DSE: variants seen among roughly 807,000 people sequenced by gnomAD.
DSE encodes dermatan-sulfate epimerase.
In DSE, 36 loss-of-function variants were observed where a neutral mutation model predicts 84.4. The observed-to-expected ratio is 0.43, with a 90% CI of 0.33 to 0.56. The LOEUF (loss-of-function observed/expected upper bound fraction) is 0.56, where lower values mean the gene tolerates loss of function less well. Among genes scored for constraint, DSE ranks in the 20% least tolerant of loss-of-function variants. The probability of loss-of-function intolerance (pLI) is 0.06; values close to 1 mark genes in which losing one functional copy is unlikely to be tolerated. For synonymous variants in DSE, 410 were observed against 430.1 expected, an observed-to-expected ratio of 0.95 and a Z score of 0.58; for missense variants, 862 against 1,169.6, an observed-to-expected ratio of 0.74 and a Z score of 3.84.
At chr6:116,409,631 G>A (rs149719656) in intron 2 of DSE, among the ~76,000 whole-genome samples, 143 of 152,244 alleles carry the variant, frequency 9.4e-4, no homozygotes, top group African/African-American at 3.3e-3. Context: ...TTAGGCATTG[G>A]AGATACAAAA....
At chr6:116,414,839 G>T (rs770687473) in intron 2 of DSE, among the ~76,000 whole-genome samples, 5 of 151,888 alleles carry the variant, frequency 3.3e-5, no homozygotes, top group Non-Finnish European at 4.4e-5. Context: ...GTTTTATTTG[G>T]TAAGTTTTTT....
intron 1 of DSE, among the ~76,000 whole-genome samples, chr6:116,372,241 G>A (rs1289848301): frequency 6.6e-6 from 1 of 152,234 alleles, no homozygotes; most frequent in East Asian, 1.9e-4. Flanking sequence ...GGCCGAGGCA[G>A]GCGGATCACG....
intron 2 of DSE, chr6:116,279,150 G>C (rs1199348152): frequency 6.2e-7 from 1 of 1,613,804 alleles, no homozygotes; most frequent in Non-Finnish European, 8.5e-7. Context: ...GGTCCATGCG[G>C]AGAGCCTCAT....
intron 2 of DSE, among the ~76,000 whole-genome samples, chr6:116,406,589 T>A (rs1237510371): frequency 6.6e-6 from 1 of 152,266 alleles, no homozygotes; most frequent in Non-Finnish European, 1.5e-5. Context: ...TTGCTGACAT[T>A]AAGTTCATGC....
intron 2 of DSE, among the ~76,000 whole-genome samples, chr6:116,274,099 G>A (rs1773005999): frequency 6.6e-6 from 1 of 151,700 alleles, no homozygotes; most frequent in Admixed American, 6.5e-5. Context: ...CAAAGTGCTG[G>A]GATTTCAGGC....
rs181392611 is a variant in DSE, at chr6:116,431,745, T to C, written c.910+552T>C. Among the ~76,000 whole-genome samples, 67 of 152,302 alleles carry C rather than the reference T, an allele frequency of 4.4e-4. 1 individual carries two copies. The South Asian group carries it at 7.0e-3, about 16-fold the overall frequency. On this transcript the variant is annotated intron_variant, in intron 4 of 5. Coordinates refer to ENST00000644252, the MANE Select transcript of DSE (RefSeq NM_013352.4). ...AGTGCTGTAAAACTTGTAATTTCTT[T>C]ATTGCTGTGTCATTTAGCCTTCTAA...
At chr6:116,415,819 G>A (rs940030033) in intron 2 of DSE, among the ~76,000 whole-genome samples, 3 of 151,930 alleles carry the variant, frequency 2.0e-5, no homozygotes, top group Non-Finnish European at 4.4e-5. Context: ...GGTCTCTTTT[G>A]TCCTATTATG....
chr6:116,420,427 T>C (rs1362626972), intron 2 of DSE, among the ~76,000 whole-genome samples: 1 of 152,176 alleles, frequency 6.6e-6, no homozygotes, highest in Non-Finnish European at 1.5e-5. Flanking sequence ...CTTGTACTCT[T>C]GTGCACTCTC....
chr6:116,434,346 C>T (rs1160745241), intron 5 of DSE, among the ~76,000 whole-genome samples: 1 of 151,980 alleles, frequency 6.6e-6, no homozygotes, highest in Non-Finnish European at 1.5e-5. Flanking sequence ...GTTTGCTTCT[C>T]TTTATCCTTT....
chr6:116,302,758 G>GT (rs1245200602), intron 2 of DSE, among the ~76,000 whole-genome samples: 2 of 152,032 alleles, frequency 1.3e-5, no homozygotes, highest in Non-Finnish European at 2.9e-5. Flanking sequence ...TTCTTCTAGG[G>GT]TTTTTTATGG....
chr6:116,368,326 C>A (rs970691865), upstream of DSE, among the ~76,000 whole-genome samples: 1 of 152,164 alleles, frequency 6.6e-6, no homozygotes, highest in African/African-American at 2.4e-5. Context: ...AATCCAGTGT[C>A]GGTTGGCAGA....
chr6:116,428,912 T>A (rs1266451879), intron 3 of DSE, among the ~76,000 whole-genome samples: 1 of 152,198 alleles, frequency 6.6e-6, no homozygotes, highest in Admixed American at 6.5e-5. Context: ...ATAGCTTCAA[T>A]TAACAGTATC....
chr6:116,294,228 G>T (rs1357240495), intron 2 of DSE, among the ~76,000 whole-genome samples: 2 of 151,956 alleles, frequency 1.3e-5, no homozygotes, highest in Admixed American at 6.6e-5. Flanking sequence ...TTGCTATGCT[G>T]CCCAGGCTGG....
rs950302392 is a variant in DSE, at chr6:116,442,917, T to C, written c.*5572T>C. 9.9e-6 allele frequency: 1 copy of C among 101,004 alleles called. No individual in the cohort carries two copies. The highest frequency in any genetic ancestry group is 2.2e-5 in the Non-Finnish European group (1 of 45,992). The allele number at this position is 101,004 out of a possible 1,614,324, so 6.3% of individuals were successfully genotyped here. On this transcript the variant is annotated 3_prime_UTR_variant, in exon 6 of 6. Coordinates refer to ENST00000644252, the MANE Select transcript of DSE (RefSeq NM_013352.4). Reference sequence around the variant, plus strand: ...GTGAAACTTTGAAAAATCCCTGAGATGGCTCTGATATGCCCCCCATATTCC... The same window carrying C: ...GTGAAACTTTGAAAAATCCCTGAGACGGCTCTGATATGCCCCCCATATTCC...
chr6:116,325,639 T>A (rs963587196), intron 2 of DSE, among the ~76,000 whole-genome samples: 1 of 152,200 alleles, frequency 6.6e-6, no homozygotes, highest in African/African-American at 2.4e-5. Flanking sequence ...GCTGTGGAAT[T>A]GTCTTCTGCC....
chr6:116,366,917 T>C (rs1443619959), upstream of DSE: 1 of 152,232 alleles, frequency 6.6e-6, no homozygotes, highest in African/African-American at 2.4e-5. Context: ...CCAGGAAGTA[T>C]GTACCTGCAG....
chr6:116,395,003 A>T (rs1781148385), intron 1 of DSE, among the ~76,000 whole-genome samples: 1 of 152,266 alleles, frequency 6.6e-6, no homozygotes, highest in Non-Finnish European at 1.5e-5. Context: ...TTTTTGAAAC[A>T]CAATGAAGTA....
At chr6:116,339,314 C>CTTT (rs59525124) in intron 2 of DSE, among the ~76,000 whole-genome samples, 7 of 145,738 alleles carry the variant, frequency 4.8e-5, no homozygotes, top group Non-Finnish European at 1.1e-4. Flanking sequence ...TTCTTCCTTT[C>CTTT]TTTTTTTTTT....
At chr6:116,408,572 G>C (rs1188668028) in intron 2 of DSE, among the ~76,000 whole-genome samples, 2 of 152,196 alleles carry the variant, frequency 1.3e-5, no homozygotes, top group African/African-American at 4.8e-5. Context: ...TACTGTGGCT[G>C]CTCCTACTTA....
Sources: allele counts gnomAD v4.1 joint callset (sites outside exome capture counted in the v4.1 genomes callset), GRCh38; gene constraint gnomAD v4.1.1; transcripts MANE v1.5; gene names NCBI Gene and HGNC (gene_info 2026-07-23, HGNC 2026-07-21).